Variants in ENDOV observed in about 807,000 individuals in gnomAD.
ENDOV encodes the protein hEndoV.
A neutral mutation model predicts 39.4 loss-of-function variants in ENDOV; 37 were observed. The ratio of observed to expected loss-of-function variants is 0.94; its 90% CI spans 0.72 to 1.23. ENDOV has a LOEUF of 1.23. Ranked by LOEUF, ENDOV falls within the 50% of genes most tolerant of loss-of-function variation. The probability of loss-of-function intolerance (pLI) is 0.00; values close to 1 mark genes in which losing one functional copy is unlikely to be tolerated. For missense variants in ENDOV, 441 were observed against 375.7 expected, an observed-to-expected ratio of 1.17 and a Z score of -1.44; for synonymous variants, 186 against 163.4, an observed-to-expected ratio of 1.14 and a Z score of -1.05.
Position 80,436,274 on chromosome 17 carries a change from C to G in ENDOV, c.*131C>G. 1 of 1,542,590 alleles carries G rather than the reference C, an allele frequency of 6.5e-7. No individual in the cohort carries two copies. Among genetic ancestry groups the G allele is most frequent in the Non-Finnish European group, 8.7e-7 (1 of 1,147,778 alleles). ...CATCCTCGTCTCGTTCCTGATCGAA[C>G]GCGGTGGTGAGAGCACACGTCCTCG... On this transcript the variant is annotated 3_prime_UTR_variant, in exon 10 of 10. Coordinates refer to ENST00000518137, the MANE Select transcript of ENDOV (RefSeq NM_173627.5).
At chr17:80,424,042 T>TC (rs2082388861) in intron 5 of ENDOV, 3 of 163,280 alleles carry the variant, frequency 1.8e-5, no homozygotes, top group Admixed American at 9.0e-5. Context: ...CAGGCCCCCC[T>TC]CCCGCCAAGA....
chr17:80,428,806 A>G (rs1196327140), intron 8 of ENDOV, 146 bp downstream of exon 8: 22 of 759,126 alleles, frequency 2.9e-5, no homozygotes, highest in Non-Finnish European at 4.8e-5. Context: ...GACACAGGAG[A>G]GGTCTTCAAA....
rs2072268783 is a variant in ENDOV at position 80,415,768 on chromosome 17, G to T, written c.175G>T (p.Asp59Tyr). The T allele has an allele frequency of 1.2e-6, 2 of 1,605,162 alleles. No individual in the cohort carries two copies. The highest frequency in any genetic ancestry group is 1.7e-5 in the Admixed American group (1 of 58,702). The change falls in exon 2 of 10, where the codon GAC (aspartate) becomes TAC (tyrosine). Residue 59 changes from aspartate to tyrosine, a missense_variant. By Grantham distance (160) the Asp-to-Tyr change is radical (BLOSUM62 -3). Coordinates refer to ENST00000518137, the MANE Select transcript of ENDOV (RefSeq NM_173627.5). The stretch of plus-strand genomic sequence containing the variant: ...CGTTGACGTGTCCTTCGTGAAAGGG[G>T]ACAGTGTCCGCGCTTGTGCTTCCCT... Reference protein sequence around the residue: ...GGVDVSFVKGDSVRACASLVV... With the variant: ...GGVDVSFVKGYSVRACASLVV...
intron 2 of ENDOV, 109 bp downstream of exon 2, chr17:80,415,930 G>T (rs2081075545): frequency 1.4e-6 from 2 of 1,393,402 alleles, no homozygotes; most frequent in Non-Finnish European, 1.9e-6. Flanking sequence ...TCGTTTTGTA[G>T]GATGTCATTA....
At chr17:80,419,562 T>G in intron 2 of ENDOV, 2 of 702,608 alleles carry the variant, frequency 2.8e-6, no homozygotes, top group Admixed American at 2.0e-5. Context: ...TGACTCCTAC[T>G]TGTCTGTGAC....
At chr17:80,420,494 A>G (rs1167223038) in intron 2 of ENDOV, 1 of 152,204 alleles carries the variant, frequency 6.6e-6, no homozygotes, top group Non-Finnish European at 1.5e-5. Flanking sequence ...TGTGAGAATG[A>G]TCCCCAACCC....
intron 9 of ENDOV, among the ~76,000 whole-genome samples, chr17:80,431,059 A>G (rs895112797): frequency 3.3e-5 from 5 of 152,196 alleles, no homozygotes; most frequent in African/African-American, 1.2e-4. Flanking sequence ...GCCACAGAGC[A>G]TGAAGAAGTC....
intron 7 of ENDOV, among the ~76,000 whole-genome samples, chr17:80,428,089 G>C (rs2082943147): frequency 6.6e-6 from 1 of 152,228 alleles, no homozygotes; most frequent in African/African-American, 2.4e-5. Context: ...CCCCATCCCA[G>C]CCTGTGGCCC....
At chr17:80,418,591 C>T (rs8067574) in intron 2 of ENDOV, 80,005 of 151,898 alleles carry the variant, frequency 0.53, 21,712 homozygotes, top group Middle Eastern at 0.61. Flanking sequence ...TCCTGAATGC[C>T]CGACCGTGGA....
At chr17:80,422,328 A>G (rs534904644) in intron 4 of ENDOV, 83 bp downstream of exon 4, 38 of 1,536,404 alleles carry the variant, frequency 2.5e-5, no homozygotes, top group Middle Eastern at 1.9e-4. Context: ...CCCACAGAAA[A>G]TGCTGGGCCC....
chr17:80,427,005 C>T lies in ENDOV; in HGVS notation c.714+1385C>T, dbSNP rs368547023. Reference sequence around the variant, plus strand: ...CAGCACCGGTGGAAAACCCCCAGGCCACCACCTTCGGGCCGGGGCCTTCCG... The same window carrying T: ...CAGCACCGGTGGAAAACCCCCAGGCTACCACCTTCGGGCCGGGGCCTTCCG... On this transcript the variant is annotated intron_variant, in intron 7 of 9. Coordinates refer to ENST00000518137, the MANE Select transcript of ENDOV (RefSeq NM_173627.5). Among the ~76,000 whole-genome samples, 145 of 152,386 alleles carry T rather than the reference C, an allele frequency of 9.5e-4. No individual in the cohort carries two copies. The East Asian group carries it at 0.024, about 26-fold the overall frequency.
At chr17:80,425,679 T>C (rs1183606882) in intron 7 of ENDOV, 59 bp downstream of exon 7, 6 of 1,534,632 alleles carry the variant, frequency 3.9e-6, no homozygotes, top group Non-Finnish European at 5.2e-6. Flanking sequence ...TGCCACCTGC[T>C]GTTCAGGGCT....
chr17:80,416,365 G>C (rs1316023981), intron 2 of ENDOV: 1 of 154,492 alleles, frequency 6.5e-6, no homozygotes, highest in Non-Finnish European at 1.4e-5. Flanking sequence ...TGTTATCTTG[G>C]GTTCTTCATC....
rs1279285574 is a variant in ENDOV at position 80,421,932 on chromosome 17, G to A, written c.333G>A (p.Leu111=). The stretch of plus-strand genomic sequence containing the variant: ...TCTTGCTGGAGCTGGTGCAGCAGCT[G>A]CGGGAGAAGGAGCCGGGCCTCATGC... ...VPFLLELVQQ[L]REKEPGLMPQ... Residue 111 remains leucine, a synonymous_variant, in exon 3 of 10, where the codon CTG becomes CTA. Transcript: ENST00000518137. 6.2e-7 allele frequency: 1 copy of A among 1,610,996 alleles called. No individual in the cohort carries two copies. The highest frequency in any genetic ancestry group is 2.2e-5 in the East Asian group (1 of 44,874).
At chr17:80,426,318 G>A (rs1481032404) in intron 7 of ENDOV, among the ~76,000 whole-genome samples, 1 of 152,218 alleles carries the variant, frequency 6.6e-6, no homozygotes, top group Admixed American at 6.5e-5. Context: ...TGGAGGAAGG[G>A]GAAGGACAGC....
rs374211057 is a variant in ENDOV, at chr17:80,436,146, G to T, written c.*3G>T. 3 of 1,609,138 alleles carry T rather than the reference G, an allele frequency of 1.9e-6. No homozygotes were observed. Among genetic ancestry groups the T allele is most frequent in the Non-Finnish European group, 1.7e-6 (2 of 1,178,326 alleles). ...TGGAACGTCTAGCACTTTGTTGAACGTGGTGGTGAGAGCACACGTCCTCGT... is the reference window on the plus strand; with the variant it reads ...TGGAACGTCTAGCACTTTGTTGAACTTGGTGGTGAGAGCACACGTCCTCGT... On this transcript the variant is annotated 3_prime_UTR_variant, in exon 10 of 10. Transcript: ENST00000518137.
At chr17:80,419,180 A>G (rs1350448921) in intron 2 of ENDOV, among the ~76,000 whole-genome samples, 2 of 151,990 alleles carry the variant, frequency 1.3e-5, no homozygotes, top group Non-Finnish European at 2.9e-5. Context: ...CAAAAAAAAA[A>G]AAAAAAAAAC....
In ENDOV at chr17:80,425,047, A is replaced by G. The variant is rs763806461; in HGVS notation, c.532A>G (p.Thr178Ala). 2 of 1,612,234 alleles carry G rather than the reference A, an allele frequency of 1.2e-6. No individual in the cohort carries two copies. The highest frequency in any genetic ancestry group is 1.7e-6 in the Non-Finnish European group (2 of 1,179,316). ...CATTTTCCAGATCCGACTCCTGCAG[A>G]CTCGAGGAGACTCATTCCCTCTGCT... The part of the protein sequence containing the change: ...LHKEKIRLLQ[T>A]RGDSFPLLGD... Residue 178 changes from threonine to alanine, a missense_variant, in exon 6 of 10, where the codon ACT (threonine) becomes GCT (alanine). By Grantham distance (58) the Thr-to-Ala change is moderately conservative. Coordinates refer to ENST00000518137, the MANE Select transcript of ENDOV (RefSeq NM_173627.5).
chr17:80,436,145 C>T lies in ENDOV; in HGVS notation c.*2C>T, dbSNP rs549419552. 2.3e-5 allele frequency: 37 copies of T among 1,609,182 alleles called. No homozygotes were observed. Among genetic ancestry groups the T allele is most frequent in the South Asian group, 4.4e-5 (4 of 90,782 alleles). On this transcript the variant is annotated 3_prime_UTR_variant, in exon 10 of 10. Transcript: ENST00000518137. ...CTGGAACGTCTAGCACTTTGTTGAA[C>T]GTGGTGGTGAGAGCACACGTCCTCG...
Sources: gnomAD v4.1 joint callset for allele counts (sites outside exome capture counted in the v4.1 genomes callset) on GRCh38, gnomAD v4.1.1 for gene constraint, MANE v1.5 for transcripts, NCBI Gene and HGNC (gene_info 2026-07-23, HGNC 2026-07-21) for gene names.